The following CSMD3 variants were observed in gnomAD, a reference collection of about 807,000 sequenced individuals.
The protein encoded by CSMD3 is CUB and Sushi multiple domains 3, also known as CUB and sushi domain-containing protein 3.
CSMD3 carries 177 observed loss-of-function variants against 435.2 expected under a neutral mutation model. The ratio of observed to expected loss-of-function variants is 0.41; its 90% CI spans 0.36 to 0.46. The LOEUF is 0.46. Ranked by LOEUF, CSMD3 falls within the 20% of genes least tolerant of loss-of-function variation. The pLI, the probability that CSMD3 is intolerant of heterozygous loss-of-function variation, is 0.34. For missense variants in CSMD3, 4,265 were observed against 4,504.6 expected, an observed-to-expected ratio of 0.95 and a Z score of 1.52; for synonymous variants, 1,656 against 1,520.5, an observed-to-expected ratio of 1.09 and a Z score of -2.07.
chr8:112,560,584 C>T (rs1471706655), intron 24 of CSMD3, among the ~76,000 whole-genome samples: 3 of 151,516 alleles, frequency 2.0e-5, no homozygotes, highest in East Asian at 3.9e-4. Context: ...TTATGATAAC[C>T]CCATTTGGGT....
chr8:112,558,990 G>A (rs979442988), intron 24 of CSMD3, among the ~76,000 whole-genome samples: 2 of 151,720 alleles, frequency 1.3e-5, no homozygotes, highest in African/African-American at 4.8e-5. Context: ...ACAGTTCTTA[G>A]AAATTCTCAC....
chr8:112,272,259 A>T (rs1817594037), intron 59 of CSMD3, among the ~76,000 whole-genome samples: 1 of 152,324 alleles, frequency 6.6e-6, no homozygotes, highest in Admixed American at 6.5e-5. Context: ...TTTTCTAAAA[A>T]TTGATATCAG....
At chr8:112,785,619 C>A (rs896561914) in intron 13 of CSMD3, among the ~76,000 whole-genome samples, 2 of 151,824 alleles carry the variant, frequency 1.3e-5, no homozygotes, top group Non-Finnish European at 2.9e-5. Flanking sequence ...TGCCAACAAT[C>A]TGAAAAAGCA....
chr8:113,028,489 T>C (rs2086960974), intron 5 of CSMD3, among the ~76,000 whole-genome samples: 1 of 151,558 alleles, frequency 6.6e-6, no homozygotes, highest in South Asian at 2.1e-4. Flanking sequence ...GAGAAAAGCA[T>C]GTTGAGAGCC....
intron 39 of CSMD3, among the ~76,000 whole-genome samples, chr8:112,351,847 T>G (rs2131059003): frequency 6.6e-6 from 1 of 152,084 alleles, no homozygotes. Context: ...TTAATGAGTT[T>G]ATTCTTTAAG....
chr8:113,177,374 T>C (rs2092362253), intron 3 of CSMD3, among the ~76,000 whole-genome samples: 1 of 152,038 alleles, frequency 6.6e-6, no homozygotes, highest in Admixed American at 6.6e-5. Context: ...ATACTTGTTA[T>C]CTCAATGTGT....
Position 112,959,676 on chromosome 8 carries a change from T to G in CSMD3, c.1343-4915A>C, listed in dbSNP as rs549012395. Among the ~76,000 whole-genome samples, 5 of 152,012 alleles carry G rather than the reference T, an allele frequency of 3.3e-5. No individual in the cohort carries two copies. The South Asian group carries it at 1.0e-3, about 31-fold the overall frequency. ...AATTATAATCTTATCTTTTACTTTA[T>G]AGTAAACTAATAAACTATACTACTA... On this transcript the variant is annotated intron_variant, in intron 7 of 70. Coordinates refer to ENST00000297405, the MANE Select transcript of CSMD3 (RefSeq NM_198123.2).
At chr8:112,305,875 A>G in intron 51 of CSMD3, 132 bp downstream of exon 51, 1 of 788,456 alleles carries the variant, frequency 1.3e-6, no homozygotes, top group Non-Finnish European at 2.2e-6. Flanking sequence ...TAGCTTACTT[A>G]ACTTTTATTT....
At chr8:113,083,191 C>CT (rs1049551948) in intron 5 of CSMD3, among the ~76,000 whole-genome samples, 1 of 151,890 alleles carries the variant, frequency 6.6e-6, no homozygotes, top group Non-Finnish European at 1.5e-5. Context: ...TCAAGGCACA[C>CT]TATATTGAAA....
At chr8:112,410,632 A>ATC in intron 32 of CSMD3, among the ~76,000 whole-genome samples, 1 of 102,424 alleles carries the variant, frequency 9.8e-6, no homozygotes, top group South Asian at 3.1e-4. Context: ...ATATGTGTAT[A>ATC]TATATGTATA....
intron 18 of CSMD3, among the ~76,000 whole-genome samples, chr8:112,655,236 C>A (rs1397548916): frequency 6.6e-6 from 1 of 151,964 alleles, no homozygotes; most frequent in Non-Finnish European, 1.5e-5. Context: ...GAAATCTCTT[C>A]TTGAGGGGGA....
intron 5 of CSMD3, among the ~76,000 whole-genome samples, chr8:113,052,141 A>C (rs751571787): frequency 6.6e-6 from 1 of 152,238 alleles, no homozygotes; most frequent in Non-Finnish European, 1.5e-5. Context: ...ATGTAAAAAT[A>C]GGTTGTCCTT....
Position 112,608,676 on chromosome 8 carries a change from A to T in CSMD3, c.3716-21441T>A, listed in dbSNP as rs1375001445. ...GTGTGTGTATATATATTTATAATAG[A>T]AAACCTCAAAATAAACCCAGGTATA... On this transcript the variant is annotated intron_variant, in intron 22 of 70. Coordinates refer to ENST00000297405, the MANE Select transcript of CSMD3 (RefSeq NM_198123.2). Among the ~76,000 whole-genome samples the T allele has an allele frequency of 2.6e-5, 4 of 152,150 alleles. No individual in the cohort carries two copies. The East Asian group carries it at 7.7e-4, about 29-fold the overall frequency.
chr8:112,231,706 C>T (rs370134571), intron 68 of CSMD3, 74 bp from the exon 69 acceptor site: 10 of 901,960 alleles, frequency 1.1e-5, no homozygotes, highest in Middle Eastern at 2.2e-4. Context: ...AATAAATACA[C>T]AATTTTATTC....
chr8:112,381,311 C>T (rs1472023533), intron 37 of CSMD3, among the ~76,000 whole-genome samples: 3 of 152,090 alleles, frequency 2.0e-5, no homozygotes, highest in African/African-American at 4.8e-5. Flanking sequence ...TTTTTCTGGA[C>T]TTCTGAAGGA....
intron 59 of CSMD3, 150 bp downstream of exon 59, chr8:112,281,024 G>T: frequency 3.1e-6 from 2 of 645,708 alleles, no homozygotes; most frequent in Non-Finnish European, 2.6e-6. Flanking sequence ...ACTCAGCCAT[G>T]GTAACTACTA....
At chr8:113,378,288 G>A (rs1303164486) in intron 1 of CSMD3, among the ~76,000 whole-genome samples, 2 of 152,100 alleles carry the variant, frequency 1.3e-5, no homozygotes, top group Admixed American at 6.5e-5. Context: ...CAAAAAATAC[G>A]TATCCAATGC....
At chr8:112,330,810 T>C (rs1225428410) in intron 45 of CSMD3, among the ~76,000 whole-genome samples, 2 of 152,062 alleles carry the variant, frequency 1.3e-5, no homozygotes, top group Non-Finnish European at 2.9e-5. Flanking sequence ...ATATAATCTA[T>C]TCATGAGATA....
intron 37 of CSMD3, among the ~76,000 whole-genome samples, chr8:112,380,659 GA>G (rs1829391170): frequency 6.6e-6 from 1 of 152,130 alleles, no homozygotes; most frequent in South Asian, 2.1e-4. Flanking sequence ...CAGACCACCT[GA>G]GATGGCTTTA....
Sources: allele counts gnomAD v4.1 joint callset (sites outside exome capture counted in the v4.1 genomes callset), GRCh38; gene constraint gnomAD v4.1.1; transcripts MANE v1.5; gene names NCBI Gene and HGNC (gene_info 2026-07-23, HGNC 2026-07-21).